SLMAP: variants seen among roughly 807,000 people sequenced by gnomAD.
SLMAP encodes sarcolemma associated protein.
SLMAP carries 44 observed loss-of-function variants against 128.8 expected under a neutral mutation model. The observed-to-expected ratio is 0.34, with a 90% CI of 0.27 to 0.44. SLMAP has a LOEUF of 0.44. Ranked by LOEUF, SLMAP falls within the 20% of genes least tolerant of loss-of-function variation. The probability of loss-of-function intolerance (pLI) is 1.00; values close to 1 mark genes in which losing one functional copy is unlikely to be tolerated. For missense variants in SLMAP, 787 were observed against 985.3 expected (o/e 0.80, Z 2.69); for synonymous variants, 327 against 348.8 (o/e 0.94, Z 0.70).
chr3:57,918,207 T>A (rs2096850636), intron 22 of SLMAP: 1 of 152,240 alleles, frequency 6.6e-6, no homozygotes, highest in Non-Finnish European at 1.5e-5. Flanking sequence ...GTAAATATCT[T>A]AGTATTTAAT....
At chr3:57,830,605 CTATCCTTT>C in intron 2 of SLMAP, among the ~76,000 whole-genome samples, 1 of 152,120 alleles carries the variant, frequency 6.6e-6, no homozygotes, top group East Asian at 1.9e-4. Context: ...GTGCCTCCTG[CTATCCTTT>C]CTGTTTTTAA....
At chr3:57,787,917 T>C (rs1057211957) in intron 2 of SLMAP, among the ~76,000 whole-genome samples, 1 of 152,226 alleles carries the variant, frequency 6.6e-6, no homozygotes, top group East Asian at 1.9e-4. Flanking sequence ...AGGAAATAAT[T>C]GCCAAGAGAG....
Position 57,917,249 on chromosome 3 carries a change from A to G in SLMAP, c.2310+172A>G, listed in dbSNP as rs945584273. On this transcript the variant is annotated intron_variant, in intron 22 of 24. Transcript: ENST00000671191. ...TTTCTAGCTGCATATCATGGTCCAT[A>G]TGTAGAGAATTCTTCAGTAGGGTTG... The G allele has an allele frequency of 4.1e-6, 6 of 1,461,832 alleles. No homozygotes were observed. In the Admixed American group the frequency reaches 1.3e-4, roughly 31 times the overall value. 90.6% of individuals were successfully genotyped at this position (1,461,832 alleles called of 1,614,324 possible).
chr3:57,845,620 G>A (rs1316803973), intron 4 of SLMAP, among the ~76,000 whole-genome samples: 6 of 152,102 alleles, frequency 3.9e-5, no homozygotes, highest in South Asian at 2.1e-4. Context: ...GAGGTCATGC[G>A]TGGTAGCCTT....
chr3:57,828,150 G>T (rs867669482), intron 2 of SLMAP, among the ~76,000 whole-genome samples: 1 of 152,074 alleles, frequency 6.6e-6, no homozygotes, highest in Non-Finnish European at 1.5e-5. Context: ...GTAGAGATGG[G>T]GTTTCACCAT....
At chr3:57,773,698 A>G (rs897448893) in intron 2 of SLMAP, among the ~76,000 whole-genome samples, 5 of 152,324 alleles carry the variant, frequency 3.3e-5, no homozygotes, top group African/African-American at 1.2e-4. Context: ...TTCTGACTTC[A>G]TATTAGAGTG....
At position 57,929,597 on chromosome 3, in the gene SLMAP, A is replaced by G. The variant is rs1267458985; in HGVS notation, c.*2308A>G. ...ATTATTCACTGGTAATAATAGAGTC[A>G]TTAAGAAATATTAAGCATTGCAGCT... On this transcript the variant is annotated 3_prime_UTR_variant, in exon 25 of 25. Transcript: ENST00000671191. Among the ~76,000 whole-genome samples the G allele has an allele frequency of 6.6e-6, 1 of 152,262 alleles. No homozygotes were observed. Among genetic ancestry groups the G allele is most frequent in the East Asian group, 1.9e-4 (1 of 5,204 alleles).
intron 3 of SLMAP, among the ~76,000 whole-genome samples, chr3:57,834,835 G>A (rs1355280971): frequency 6.6e-6 from 1 of 151,800 alleles, no homozygotes; most frequent in African/African-American, 2.4e-5. Context: ...AAGATACTAG[G>A]CCAGGGTTTG....
intron 14 of SLMAP, among the ~76,000 whole-genome samples, chr3:57,886,509 T>C (rs2095891189): frequency 6.6e-6 from 1 of 151,824 alleles, no homozygotes; most frequent in Non-Finnish European, 1.5e-5. Context: ...ATACCAGATT[T>C]TTAAAAACTG....
rs1391710469 is a variant in SLMAP at position 57,861,345 on chromosome 3, G to GA, written c.828+513dup. ...AAAATGCAATTTTTATTGCTTTGGG[G>GA]AAAAAAATTCTAATTCATAATATAG... On this transcript the variant is annotated intron_variant, in intron 9 of 24. Transcript: ENST00000671191. Among the ~76,000 whole-genome samples, 7 of 152,062 alleles carry GA rather than the reference G, an allele frequency of 4.6e-5. No individual in the cohort carries two copies. In the South Asian group the frequency reaches 6.2e-4, roughly 14 times the overall value.
At chr3:57,887,666 A>G (rs1401986439) in intron 14 of SLMAP, among the ~76,000 whole-genome samples, 5 of 152,188 alleles carry the variant, frequency 3.3e-5, no homozygotes, top group African/African-American at 1.2e-4. Context: ...GTCTCAACAC[A>G]CAGCTTCTAG....
intron 17 of SLMAP, chr3:57,898,327 T>G (rs1314929775): frequency 6.6e-6 from 1 of 152,198 alleles, no homozygotes; most frequent in Non-Finnish European, 1.5e-5. Flanking sequence ...TCAGACCCTA[T>G]GGGCCTTTAT....
At chr3:57,838,369 A>G (rs2093741591) in intron 3 of SLMAP, among the ~76,000 whole-genome samples, 1 of 152,164 alleles carries the variant, frequency 6.6e-6, no homozygotes, top group Non-Finnish European at 1.5e-5. Flanking sequence ...ACAAATAGAG[A>G]TGAACCCTAA....
chr3:57,845,852 T>G (rs544473948), intron 4 of SLMAP, among the ~76,000 whole-genome samples: 1 of 152,248 alleles, frequency 6.6e-6, no homozygotes, highest in South Asian at 2.1e-4. Context: ...CCCACCTTTT[T>G]TTTTTTGGAG....
At chr3:57,829,352 G>A (rs899292705) in intron 2 of SLMAP, among the ~76,000 whole-genome samples, 1 of 151,776 alleles carries the variant, frequency 6.6e-6, no homozygotes, top group African/African-American at 2.4e-5. Context: ...ATCAGAACTT[G>A]AAGTTTGAAA....
intron 2 of SLMAP, among the ~76,000 whole-genome samples, chr3:57,761,375 A>C (rs2078602523): frequency 6.6e-6 from 1 of 151,906 alleles, no homozygotes; most frequent in Non-Finnish European, 1.5e-5. Context: ...GCTCACTGCA[A>C]CCTATACCTT....
intron 17 of SLMAP, among the ~76,000 whole-genome samples, chr3:57,903,532 G>A (rs1559502812): frequency 6.6e-6 from 1 of 152,142 alleles, no homozygotes; most frequent in South Asian, 2.1e-4. Flanking sequence ...GTTGAGCAAA[G>A]GTCAGAGTTT....
At chr3:57,903,942 TGA>T (rs1376313888) in intron 17 of SLMAP, among the ~76,000 whole-genome samples, 1 of 152,116 alleles carries the variant, frequency 6.6e-6, no homozygotes, top group East Asian at 1.9e-4. Flanking sequence ...CGAGGCACCT[TGA>T]GAATGGACCC....
chr3:57,908,059 T>A, intron 18 of SLMAP, 53 bp downstream of exon 18: 2 of 1,567,742 alleles, frequency 1.3e-6, no homozygotes, highest in Non-Finnish European at 1.7e-6. Context: ...CAGCACAATA[T>A]AATTGGGTGG....
Sources: gnomAD v4.1 joint callset for allele counts (sites outside exome capture counted in the v4.1 genomes callset) on GRCh38, gnomAD v4.1.1 for gene constraint, MANE v1.5 for transcripts, NCBI Gene and HGNC (gene_info 2026-07-23, HGNC 2026-07-21) for gene names.